The following ERCC6L2 variants were observed in gnomAD, a reference collection of about 807,000 sequenced individuals.
ERCC6L2 encodes ERCC excision repair 6 like 2, also known as DNA excision repair protein ERCC-6-like 2.
ERCC6L2 carries 77 observed loss-of-function variants against 132.0 expected under a neutral mutation model. The observed-to-expected ratio is 0.58, with a 90% CI of 0.49 to 0.71. The LOEUF is 0.71. ERCC6L2 is among the 30% of genes least tolerant of loss of function. The pLI is 0.00. For missense variants in ERCC6L2, 1,542 were observed against 1,837.6 expected (o/e 0.84, Z 2.94); for synonymous variants, 583 against 632.4 (o/e 0.92, Z 1.17).
chr9:95,893,050 A>G (rs1050148732), intron 2 of ERCC6L2, among the ~76,000 whole-genome samples: 6 of 152,132 alleles, frequency 3.9e-5, no homozygotes, highest in Non-Finnish European at 8.8e-5. Flanking sequence ...CTTTTTATCT[A>G]TACTTCTTTG....
At chr9:95,921,994 A>C (rs923952994) in intron 7 of ERCC6L2, among the ~76,000 whole-genome samples, 1 of 152,162 alleles carries the variant, frequency 6.6e-6, no homozygotes, top group Non-Finnish European at 1.5e-5. Flanking sequence ...CTGCCACTGC[A>C]CTTAGATTTT....
chr9:95,982,609 T>C (rs1832936128), intron 17 of ERCC6L2, among the ~76,000 whole-genome samples: 1 of 152,156 alleles, frequency 6.6e-6, no homozygotes, highest in Non-Finnish European at 1.5e-5. Flanking sequence ...TTCATGGTCT[T>C]ATCATTTTTC....
intron 19 of ERCC6L2, among the ~76,000 whole-genome samples, chr9:96,038,334 G>A (rs547084874): frequency 2.2e-4 from 34 of 152,266 alleles, no homozygotes; most frequent in African/African-American, 7.9e-4. Flanking sequence ...AAGGAGAGAA[G>A]CCCCTCTTCC....
At chr9:96,007,082 G>A (rs189604693) in intron 18 of ERCC6L2, among the ~76,000 whole-genome samples, 226 of 152,312 alleles carry the variant, frequency 1.5e-3, no homozygotes, top group Non-Finnish European at 2.5e-3. Flanking sequence ...TGATTATAAA[G>A]TTAAACCTAA....
intron 3 of ERCC6L2, among the ~76,000 whole-genome samples, chr9:95,898,267 A>C (rs1035746491): frequency 3.3e-5 from 5 of 152,110 alleles, no homozygotes; most frequent in Non-Finnish European, 7.4e-5. Context: ...TGATTTGTTA[A>C]ACTTACAGAA....
At chr9:95,877,201 T>G (rs1055446626) in intron 1 of ERCC6L2, 1 of 152,224 alleles carries the variant, frequency 6.6e-6, no homozygotes, top group African/African-American at 2.4e-5. Context: ...CAACAGGAAA[T>G]CTTAACAATT....
chr9:96,003,788 T>G (rs776038906), intron 17 of ERCC6L2, among the ~76,000 whole-genome samples: 10 of 152,200 alleles, frequency 6.6e-5, no homozygotes, highest in Non-Finnish European at 1.5e-4. Context: ...CAGTGTAATT[T>G]TGTTGTTGTT....
Position 95,931,736 on chromosome 9 carries a change from T to C in ERCC6L2, c.1751+2872T>C, listed in dbSNP as rs376155911. The stretch of plus-strand genomic sequence containing the variant: ...CTTTTTGGGAACTCGTAAGAGTTTT[T>C]CTTCATCTACACTATTCTAAAATTT... On this transcript the variant is annotated intron_variant, in intron 11 of 18. Coordinates refer to ENST00000653738, the MANE Select transcript of ERCC6L2 (RefSeq NM_020207.7). Among the ~76,000 whole-genome samples, 38 of 152,252 alleles carry C rather than the reference T, an allele frequency of 2.5e-4. 1 individual carries two copies. The Middle Eastern group carries it at 0.014, about 55-fold the overall frequency.
Position 95,928,708 on chromosome 9 carries a change from C to G in ERCC6L2, c.1606-11C>G. On this transcript the variant is annotated splice_polypyrimidine_tract_variant and intron_variant, in intron 10 of 18. Transcript: ENST00000653738. ...GATTCATGTTTGCCCATCTTCATAC[C>G]TCTCGTCTAGTTGCTTGACGTGCTA... 1.3e-6 allele frequency: 2 copies of G among 1,591,890 alleles called. No homozygotes were observed. The highest frequency in any genetic ancestry group is 1.7e-6 in the Non-Finnish European group (2 of 1,172,236).
chr9:95,907,302 G>T, intron 4 of ERCC6L2, 31 bp downstream of exon 4: 38 of 1,165,482 alleles, frequency 3.3e-5, no homozygotes, highest in Non-Finnish European at 4.2e-5. Context: ...AGGAATGATT[G>T]TATTAATAGT....
chr9:95,892,811 T>C (rs1157834673), intron 2 of ERCC6L2, among the ~76,000 whole-genome samples: 1 of 152,234 alleles, frequency 6.6e-6, no homozygotes, highest in East Asian at 1.9e-4. Context: ...GTGATTGTTA[T>C]ATCTTCCTGA....
At chr9:95,914,067 C>T (rs951571367) in intron 4 of ERCC6L2, among the ~76,000 whole-genome samples, 7 of 152,114 alleles carry the variant, frequency 4.6e-5, no homozygotes, top group East Asian at 1.9e-4. Context: ...TTTAAGAAAC[C>T]GCCATCTGTT....
intron 2 of ERCC6L2, among the ~76,000 whole-genome samples, chr9:95,891,461 C>T (rs1168757290): frequency 6.6e-6 from 1 of 152,170 alleles, no homozygotes; most frequent in Non-Finnish European, 1.5e-5. Context: ...ACTCCCACCT[C>T]TTTCTAGTTT....
intron 4 of ERCC6L2, among the ~76,000 whole-genome samples, chr9:95,912,229 T>C (rs1389709067): frequency 6.6e-6 from 1 of 152,216 alleles, no homozygotes; most frequent in Non-Finnish European, 1.5e-5. Context: ...ATCTTGTCCA[T>C]GTTCTTTTTA....
chr9:95,945,957 T>C (rs1831040627), intron 12 of ERCC6L2, among the ~76,000 whole-genome samples: 1 of 152,096 alleles, frequency 6.6e-6, no homozygotes, highest in Admixed American at 6.5e-5. Flanking sequence ...TTTATGCTTA[T>C]TATGAAACAT....
chr9:95,904,458 G>A (rs562227280), intron 3 of ERCC6L2, among the ~76,000 whole-genome samples: 4 of 152,186 alleles, frequency 2.6e-5, no homozygotes, highest in Admixed American at 2.0e-4. Context: ...TTTGATTGAA[G>A]GTGCTAACAG....
At chr9:95,934,997 A>G (rs539541431) in intron 11 of ERCC6L2, among the ~76,000 whole-genome samples, 33 of 152,336 alleles carry the variant, frequency 2.2e-4, no homozygotes, top group African/African-American at 7.9e-4. Flanking sequence ...TTTTGTTAAA[A>G]TCTGCCTTTA....
chr9:95,895,333 T>C (rs1176707065), intron 2 of ERCC6L2, among the ~76,000 whole-genome samples: 1 of 152,156 alleles, frequency 6.6e-6, no homozygotes, highest in Non-Finnish European at 1.5e-5. Context: ...AAGAAGTTTT[T>C]CTTGTAAATG....
chr9:95,890,039 C>CTT (rs940115481), intron 2 of ERCC6L2, among the ~76,000 whole-genome samples: 1 of 152,120 alleles, frequency 6.6e-6, no homozygotes, highest in Non-Finnish European at 1.5e-5. Flanking sequence ...CATTTGTCCA[C>CTT]TTTTTTCTCA....
Sources: allele counts gnomAD v4.1 joint callset (sites outside exome capture counted in the v4.1 genomes callset), GRCh38; gene constraint gnomAD v4.1.1; transcripts MANE v1.5; gene names NCBI Gene and HGNC (gene_info 2026-07-23, HGNC 2026-07-21).